Variants in PRDM11 observed in about 807,000 individuals in gnomAD.
PRDM11 encodes PR/SET domain 11.
In PRDM11, 20 loss-of-function variants were observed where a neutral mutation model predicts 97.8. The ratio of observed to expected loss-of-function variants is 0.20; its 90% CI spans 0.14 to 0.30. The LOEUF is 0.30. Among genes scored for constraint, PRDM11 ranks in the 10% least tolerant of loss-of-function variants. The probability of loss-of-function intolerance (pLI) is 1.00; values close to 1 mark genes in which losing one functional copy is unlikely to be tolerated. For missense variants in PRDM11, 1,139 were observed against 1,555.2 expected (o/e 0.73, Z 4.50); for synonymous variants, 599 against 637.7 (o/e 0.94, Z 0.91).
At position 45,156,872 on chromosome 11, in the gene PRDM11, T is replaced by C. The variant is rs76851797; in HGVS notation, c.-7+9995T>C. Among the ~76,000 whole-genome samples, 885 of 152,038 alleles carry C rather than the reference T, an allele frequency of 5.8e-3. 6 individuals carry two copies. Among genetic ancestry groups the C allele is most frequent in the Non-Finnish European group, 9.5e-3 (646 of 67,976 alleles). ...CCAGGCGGAGGGAGAGGGAAGGGCA[T>C]TTTAGGCACTGGGAACAGTATGTGC... On this transcript the variant is annotated intron_variant, in intron 1 of 7. Transcript: ENST00000683152.
exon 1 of PRDM11, chr11:45,095,838 G>C: frequency 1.3e-6 from 1 of 777,054 alleles, no homozygotes. Context: ...TTGCATCCCT[G>C]ATGATCGTGG....
chr11:45,224,203 G>A lies in PRDM11; in HGVS notation c.743-14G>A, dbSNP rs1854198588. ...GTTTTCCCCATTTCCTTACACCCTG[G>A]TTTTCCTTCCTAGGAGAGAAGAGGT... On this transcript the variant is annotated splice_polypyrimidine_tract_variant and intron_variant, in intron 6 of 7. Transcript: ENST00000683152. 1.3e-6 allele frequency: 2 copies of A among 1,551,134 alleles called. No homozygotes were observed. Among genetic ancestry groups the A allele is most frequent in the Non-Finnish European group, 1.7e-6 (2 of 1,154,150 alleles).
chr11:45,105,895 G>A (rs781384286), intron 1 of PRDM11, among the ~76,000 whole-genome samples: 7 of 152,138 alleles, frequency 4.6e-5, no homozygotes, highest in Non-Finnish European at 8.8e-5. Flanking sequence ...CAGGGGTGAG[G>A]GTCACACATC....
chr11:45,143,816 A>G (rs1487969786), upstream of PRDM11, among the ~76,000 whole-genome samples: 1 of 152,112 alleles, frequency 6.6e-6, no homozygotes, highest in Non-Finnish European at 1.5e-5. Context: ...GGTGTGTACC[A>G]TATGCCCTAT....
Position 45,207,002 on chromosome 11 carries a change from GCATGGTTT to G in PRDM11, c.554+2226_554+2233del, listed in dbSNP as rs556278955. On this transcript the variant is annotated intron_variant, in intron 5 of 7. Transcript: ENST00000683152. ...GGTTTCTGCTACTGCCACCTTGCTA[GCATGGTTT>G]CTGTCCTGTTCTGCTCCCAGCCTGT... 1.4e-4 allele frequency among the ~76,000 whole-genome samples: 22 copies of G among 152,308 alleles called. No homozygotes were observed. The South Asian group carries it at 4.6e-3, about 32-fold the overall frequency.
At chr11:45,187,043 C>A (rs1463454323) in intron 4 of PRDM11, among the ~76,000 whole-genome samples, 1 of 152,194 alleles carries the variant, frequency 6.6e-6, no homozygotes, top group Non-Finnish European at 1.5e-5. Context: ...GAGCAGGGAG[C>A]TCTGGGGATA....
chr11:45,213,540 C>T (rs774544882), intron 5 of PRDM11: 2 of 456,486 alleles, frequency 4.4e-6, no homozygotes, highest in South Asian at 1.5e-5. Context: ...CCCGCCTTGG[C>T]CCTCCGCTTG....
rs1854331638 is a variant in PRDM11 at position 45,228,484 on chromosome 11, T to G, written c.*325T>G. The G allele has an allele frequency of 6.6e-6, 1 of 152,176 alleles. No individual in the cohort carries two copies. The highest frequency in any genetic ancestry group is 6.6e-5 in the Admixed American group (1 of 15,260). 9.4% of individuals were successfully genotyped at this position (152,176 alleles called of 1,614,324 possible). ...CCCACCTTACTGTCCACCAACAGCATAAGCTAAAATGACAGGTCTCTGTCA... is the reference window on the plus strand; with the variant it reads ...CCCACCTTACTGTCCACCAACAGCAGAAGCTAAAATGACAGGTCTCTGTCA... On this transcript the variant is annotated 3_prime_UTR_variant, in exon 8 of 8. Coordinates refer to ENST00000683152, the MANE Select transcript of PRDM11 (RefSeq NM_001384648.1).
intron 1 of PRDM11, 130 bp downstream of exon 1, chr11:45,147,007 G>A (rs977928884): frequency 7.6e-5 from 11 of 145,510 alleles, no homozygotes; most frequent in African/African-American, 2.5e-4. Context: ...GGCGGCCGGG[G>A]GTCTCGGCGC....
chr11:45,138,652 G>A (rs939463652), intron 1 of PRDM11, among the ~76,000 whole-genome samples: 2 of 152,114 alleles, frequency 1.3e-5, no homozygotes, highest in Non-Finnish European at 2.9e-5. Context: ...TGGTGTTGGG[G>A]CAACTCTCCA....
At chr11:45,210,442 C>G (rs528685785) in intron 5 of PRDM11, among the ~76,000 whole-genome samples, 7 of 152,332 alleles carry the variant, frequency 4.6e-5, no homozygotes, top group Admixed American at 1.3e-4. Flanking sequence ...GACTGCAACC[C>G]TTCCTTTCCA....
At chr11:45,138,227 A>G (rs1590370044) in intron 1 of PRDM11, among the ~76,000 whole-genome samples, 1 of 152,328 alleles carries the variant, frequency 6.6e-6, no homozygotes, top group Non-Finnish European at 1.5e-5. Flanking sequence ...GAACAGAAGG[A>G]AAAAAAGATA....
intron 4 of PRDM11, among the ~76,000 whole-genome samples, chr11:45,183,827 A>T (rs1344863064): frequency 6.6e-6 from 1 of 152,202 alleles, no homozygotes; most frequent in Admixed American, 6.5e-5. Context: ...CACTACAAAA[A>T]CACTTCTTGA....
Position 45,204,764 on chromosome 11 carries a change from A to C in PRDM11, c.540A>C (p.Lys180Asn). The C allele has an allele frequency of 6.2e-7, 1 of 1,611,734 alleles. No homozygotes were observed. The stretch of plus-strand genomic sequence containing the variant: ...CCATAGATGGCTCAGACGAGACCAA[A>C]GCCAACTGGATGAGGTGAGCCCTGC... ...YKSIDGSDETKANWMRYVVIS... is the reference protein window; with the variant it reads ...YKSIDGSDETNANWMRYVVIS... The change falls in exon 5 of 8, where the codon AAA (lysine) becomes AAC (asparagine). Residue 180 changes from lysine (K) to asparagine (N), a missense_variant. Physicochemically the swap from Lys to Asn is moderately conservative, Grantham distance 94 (BLOSUM62 0). Coordinates refer to ENST00000683152, the MANE Select transcript of PRDM11 (RefSeq NM_001384648.1).
At chr11:45,103,359 A>G (rs1852011219) in intron 1 of PRDM11, among the ~76,000 whole-genome samples, 3 of 152,168 alleles carry the variant, frequency 2.0e-5, no homozygotes, top group African/African-American at 7.2e-5. Context: ...TTGGAGGAGG[A>G]AGAGGAGGAA....
intron 5 of PRDM11, chr11:45,213,017 T>C: frequency 7.4e-6 from 3 of 406,230 alleles, no homozygotes; most frequent in Non-Finnish European, 1.5e-5. Context: ...GACTACCAGG[T>C]CTCGGAAGAG....
At chr11:45,180,905 G>A (rs112370126) in intron 1 of PRDM11, among the ~76,000 whole-genome samples, 3,766 of 152,044 alleles carry the variant, frequency 0.025, 106 homozygotes, top group African/African-American at 0.07. Context: ...AGGCCGTCAC[G>A]TTTCCCCGCA....
upstream of PRDM11, among the ~76,000 whole-genome samples, chr11:45,142,036 C>A (rs918671345): frequency 1.3e-5 from 2 of 152,208 alleles, no homozygotes; most frequent in African/African-American, 4.8e-5. Flanking sequence ...TTGCTTCAAT[C>A]TCATCTAGAA....
chr11:45,162,774 C>CG (rs1851961128), intron 1 of PRDM11, among the ~76,000 whole-genome samples: 2 of 152,142 alleles, frequency 1.3e-5, no homozygotes, highest in African/African-American at 4.8e-5. Flanking sequence ...CTCTGATGGT[C>CG]GGGGGATCAT....
Sources: gnomAD v4.1 joint callset for allele counts (sites outside exome capture counted in the v4.1 genomes callset) on GRCh38, gnomAD v4.1.1 for gene constraint, MANE v1.5 for transcripts, NCBI Gene and HGNC (gene_info 2026-07-23, HGNC 2026-07-21) for gene names.